The following NCKAP5 variants were observed in gnomAD, a reference collection of about 807,000 sequenced individuals.
NCKAP5 encodes the protein nck-associated protein 5.
A neutral mutation model predicts 167.0 loss-of-function variants in NCKAP5; 92 were observed. That is an observed-to-expected ratio of 0.55 (90% confidence interval 0.47 to 0.66). NCKAP5 has a LOEUF of 0.66. NCKAP5 is among the 30% of genes least tolerant of loss of function. The pLI is 0.00. For missense variants in NCKAP5, 2,378 were observed against 2,315.0 expected, an observed-to-expected ratio of 1.03 and a Z score of -0.56; for synonymous variants, 891 against 877.4, an observed-to-expected ratio of 1.02 and a Z score of -0.27.
intron 11 of NCKAP5, among the ~76,000 whole-genome samples, chr2:132,805,349 A>G (rs886284097): frequency 6.6e-6 from 1 of 152,294 alleles, no homozygotes; most frequent in East Asian, 1.9e-4. Flanking sequence ...ATTCTACCCA[A>G]TTAAATCTGG....
intron 3 of NCKAP5, among the ~76,000 whole-genome samples, chr2:133,512,640 G>T (rs1683594250): frequency 6.6e-6 from 1 of 152,132 alleles, no homozygotes; most frequent in Non-Finnish European, 1.5e-5. Flanking sequence ...ATTACATCTA[G>T]TCACTAAATA....
At chr2:133,612,073 C>T in the NCKAP5 span, among the ~76,000 whole-genome samples, 1 of 152,158 alleles carries the variant, frequency 6.6e-6, no homozygotes, top group East Asian at 1.9e-4. Context: ...AATAGTTCAC[C>T]ATTCAACCTG....
chr2:132,958,612 C>T (rs963803451), intron 8 of NCKAP5, among the ~76,000 whole-genome samples: 2 of 152,150 alleles, frequency 1.3e-5, no homozygotes, highest in African/African-American at 4.8e-5. Flanking sequence ...CATCTTCTTC[C>T]ATTTTTTAAA....
At chr2:133,251,235 A>G (rs1474914265) in intron 4 of NCKAP5, among the ~76,000 whole-genome samples, 4 of 152,228 alleles carry the variant, frequency 2.6e-5, no homozygotes, top group Non-Finnish European at 4.4e-5. Context: ...TGCAAATCCT[A>G]TGTGGTTTGG....
At chr2:133,239,899 T>C (rs1466270122) in intron 4 of NCKAP5, among the ~76,000 whole-genome samples, 1 of 152,234 alleles carries the variant, frequency 6.6e-6, no homozygotes. Flanking sequence ...ATGCTTTAGC[T>C]TTAACTATTA....
At chr2:132,816,021 A>C (rs1295651516) in intron 11 of NCKAP5, among the ~76,000 whole-genome samples, 1 of 152,120 alleles carries the variant, frequency 6.6e-6, no homozygotes, top group African/African-American at 2.4e-5. Flanking sequence ...CTTGGGTTTA[A>C]ATCCTGGCTT....
the NCKAP5 span, among the ~76,000 whole-genome samples, chr2:133,593,873 T>C: frequency 6.6e-6 from 1 of 152,150 alleles, no homozygotes; most frequent in African/African-American, 2.4e-5. Flanking sequence ...CTCACTTCCA[T>C]ACTAGGTAAA....
At chr2:133,594,711 G>T in the NCKAP5 span, among the ~76,000 whole-genome samples, 1 of 152,106 alleles carries the variant, frequency 6.6e-6, no homozygotes, top group Non-Finnish European at 1.5e-5. Flanking sequence ...TGTCAAGAGA[G>T]AACAAGATAC....
chr2:133,248,075 G>A (rs1186468382), intron 4 of NCKAP5, among the ~76,000 whole-genome samples: 4 of 152,164 alleles, frequency 2.6e-5, no homozygotes, highest in Non-Finnish European at 5.9e-5. Flanking sequence ...TATTACTTAG[G>A]AAGGAAGTTG....
chr2:132,794,223 C>CATATATATATAT (rs1166750939), intron 12 of NCKAP5, among the ~76,000 whole-genome samples: 1 of 21,178 alleles, frequency 4.7e-5, no homozygotes, highest in Non-Finnish European at 1.1e-4. Context: ...AATGTTTATA[C>CATATATATATAT]ATATATATAT....
the NCKAP5 span, among the ~76,000 whole-genome samples, chr2:133,662,981 C>T: frequency 6.6e-6 from 1 of 151,990 alleles, no homozygotes; most frequent in African/African-American, 2.4e-5. Context: ...AAAAAAAATG[C>T]CGGGGCCGGG....
At chr2:133,162,876 C>G (rs1008501753) in intron 5 of NCKAP5, among the ~76,000 whole-genome samples, 1 of 152,118 alleles carries the variant, frequency 6.6e-6, no homozygotes, top group Non-Finnish European at 1.5e-5. Flanking sequence ...GATCCCCAAA[C>G]AGTCATACGT....
chr2:133,553,196 T>C (rs1243320523), intron 2 of NCKAP5, among the ~76,000 whole-genome samples: 1 of 152,258 alleles, frequency 6.6e-6, no homozygotes, highest in Non-Finnish European at 1.5e-5. Flanking sequence ...ATATACAGTA[T>C]GCTGTCCAGA....
chr2:133,478,056 A>T (rs1333241518), intron 3 of NCKAP5, among the ~76,000 whole-genome samples: 1 of 152,178 alleles, frequency 6.6e-6, no homozygotes, highest in Non-Finnish European at 1.5e-5. Flanking sequence ...AAACACTCTT[A>T]TTATTCCATT....
chr2:132,893,445 T>A (rs1402232308), intron 8 of NCKAP5, among the ~76,000 whole-genome samples: 1 of 152,190 alleles, frequency 6.6e-6, no homozygotes, highest in Admixed American at 6.5e-5. Context: ...TATTAATCAA[T>A]TTATATAATG....
intron 3 of NCKAP5, among the ~76,000 whole-genome samples, chr2:133,476,859 A>G (rs914439060): frequency 2.0e-5 from 3 of 152,210 alleles, no homozygotes; most frequent in Non-Finnish European, 2.9e-5. Flanking sequence ...TCAATAAGGT[A>G]GTTACAGATG....
At chr2:132,884,978 C>T (rs1340194736) in intron 8 of NCKAP5, among the ~76,000 whole-genome samples, 1 of 152,054 alleles carries the variant, frequency 6.6e-6, no homozygotes, top group Non-Finnish European at 1.5e-5. Context: ...AAATTAAATA[C>T]CTAAAGGGTG....
At chr2:133,555,799 C>A (rs114922263) in intron 2 of NCKAP5, among the ~76,000 whole-genome samples, 1,678 of 152,180 alleles carry the variant, frequency 0.011, 15 homozygotes, top group South Asian at 0.02. Flanking sequence ...TATTTGTTTA[C>A]CAAGAGACAT....
intron 3 of NCKAP5, among the ~76,000 whole-genome samples, chr2:133,375,190 C>G (rs1373014357): frequency 6.6e-6 from 1 of 152,230 alleles, no homozygotes; most frequent in Admixed American, 6.5e-5. Context: ...AAGAAACACA[C>G]TTCTCCCCAC....
Sources: allele counts gnomAD v4.1 joint callset (sites outside exome capture counted in the v4.1 genomes callset), GRCh38; gene constraint gnomAD v4.1.1; transcripts MANE v1.5; gene names NCBI Gene and HGNC (gene_info 2026-07-23, HGNC 2026-07-21).